TRABD2B: variants seen among roughly 807,000 people sequenced by gnomAD.
The protein encoded by TRABD2B is TraB domain containing 2B, also known as metalloprotease TIKI2.
Under a neutral mutation model 40.1 loss-of-function variants are expected in TRABD2B, and 14 were observed. The observed-to-expected ratio is 0.35, with a 90% CI of 0.23 to 0.55. The LOEUF is 0.55. TRABD2B is among the 20% of genes least tolerant of loss of function. TRABD2B has a pLI of 0.90. For synonymous variants in TRABD2B, 263 were observed against 277.0 expected (o/e 0.95, Z 0.50); for missense variants, 541 against 648.6 (o/e 0.83, Z 1.80).
intron 2 of TRABD2B, among the ~76,000 whole-genome samples, chr1:47,954,711 C>A (rs1319180693): frequency 6.6e-6 from 1 of 152,086 alleles, no homozygotes; most frequent in African/African-American, 2.4e-5. Context: ...GCAGAGGGGC[C>A]AGGCTGGACG....
At chr1:47,918,686 C>T (rs916748325) in intron 2 of TRABD2B, among the ~76,000 whole-genome samples, 6 of 115,846 alleles carry the variant, frequency 5.2e-5, no homozygotes, top group South Asian at 3.3e-4. Flanking sequence ...TAAGCCAAGA[C>T]GGGGACGGAA....
chr1:47,784,354 T>C (rs540180005), intron 4 of TRABD2B, among the ~76,000 whole-genome samples: 2 of 151,616 alleles, frequency 1.3e-5, no homozygotes, highest in African/African-American at 4.8e-5. Context: ...GAGAGGAGAG[T>C]GTGCAAGTGC....
chr1:47,987,219 T>A (rs530533033), intron 2 of TRABD2B, among the ~76,000 whole-genome samples: 1 of 152,200 alleles, frequency 6.6e-6, no homozygotes, highest in East Asian at 1.9e-4. Context: ...TCAGACAATA[T>A]GTTTGCGGAT....
At chr1:47,793,423 T>G (rs1049604478) in intron 4 of TRABD2B, among the ~76,000 whole-genome samples, 11 of 152,250 alleles carry the variant, frequency 7.2e-5, no homozygotes, top group African/African-American at 2.7e-4. Context: ...CAGATGTGCC[T>G]CTGGCTCTTG....
chr1:47,812,603 C>T (rs12070536), intron 2 of TRABD2B, among the ~76,000 whole-genome samples: 12,081 of 152,178 alleles, frequency 0.079, 540 homozygotes, highest in Admixed American at 0.11. Context: ...CCTGTAGTCC[C>T]AGCTACGCAG....
intron 2 of TRABD2B, among the ~76,000 whole-genome samples, chr1:47,992,628 C>A (rs534997989): frequency 2.3e-4 from 35 of 152,288 alleles, no homozygotes; most frequent in African/African-American, 8.4e-4. Context: ...CGGTGAGCGC[C>A]GGGGGTCCCG....
chr1:47,966,815 G>C (rs778434738), intron 2 of TRABD2B, among the ~76,000 whole-genome samples: 29 of 151,762 alleles, frequency 1.9e-4, no homozygotes, highest in Non-Finnish European at 3.4e-4. Context: ...TGATGCAGTA[G>C]GATCGCTTGA....
At chr1:47,821,199 GCCAGTCAGTGGCAC>G (rs1645103917) in intron 2 of TRABD2B, among the ~76,000 whole-genome samples, 1 of 152,346 alleles carries the variant, frequency 6.6e-6, no homozygotes, top group South Asian at 2.1e-4. Flanking sequence ...GAGGCAGCAA[GCCAGTCAGTGGCAC>G]CCACCAGTGG....
intron 2 of TRABD2B, among the ~76,000 whole-genome samples, chr1:47,949,405 T>C (rs1008401684): frequency 4.9e-4 from 67 of 135,756 alleles, no homozygotes; most frequent in African/African-American, 1.5e-3. Context: ...TTCTTTCTTT[T>C]TTTTTTTTTT....
intron 2 of TRABD2B, among the ~76,000 whole-genome samples, chr1:47,815,816 GATA>G (rs1645023387): frequency 2.2e-5 from 1 of 45,224 alleles, no homozygotes; most frequent in Admixed American, 1.9e-4. Context: ...TAGATAGATA[GATA>G]GATAGATAGA....
intron 2 of TRABD2B, among the ~76,000 whole-genome samples, chr1:47,898,848 G>A (rs990628378): frequency 6.6e-6 from 1 of 152,324 alleles, no homozygotes; most frequent in East Asian, 1.9e-4. Context: ...TGAAACAAAT[G>A]TGGCTTCAAG....
At chr1:47,971,672 G>A (rs1354678789) in intron 2 of TRABD2B, among the ~76,000 whole-genome samples, 1 of 152,080 alleles carries the variant, frequency 6.6e-6, no homozygotes, top group Non-Finnish European at 1.5e-5. Flanking sequence ...ATATGCTCCT[G>A]ACCAAGACTC....
At position 47,891,443 on chromosome 1, in the gene TRABD2B, T is replaced by C. The variant is rs186570718; in HGVS notation, c.667-89824A>G. 2.7e-3 allele frequency among the ~76,000 whole-genome samples: 413 copies of C among 152,198 alleles called. 1 individual carries two copies. The highest frequency in any genetic ancestry group is 4.7e-3 in the Non-Finnish European group (319 of 68,026). On this transcript the variant is annotated intron_variant, in intron 2 of 6. Transcript: ENST00000606738. ...AGGTTTGGATGAAATGAAGTATATA[T>C]GAGCCACGGGACTACCTTGGGTAAA... is the stretch of plus-strand genomic sequence containing the variant.
At chr1:47,962,740 A>T (rs1645539556) in intron 2 of TRABD2B, among the ~76,000 whole-genome samples, 1 of 152,154 alleles carries the variant, frequency 6.6e-6, no homozygotes, top group Non-Finnish European at 1.5e-5. Flanking sequence ...AAACCCAAGC[A>T]ATTCAGCTGC....
chr1:47,829,781 T>C (rs113545871), intron 2 of TRABD2B, among the ~76,000 whole-genome samples: 17 of 152,284 alleles, frequency 1.1e-4, no homozygotes, highest in Middle Eastern at 3.4e-3. Context: ...CTAAAAAATA[T>C]TACCAACCAC....
At chr1:47,902,098 T>C (rs1644608422) in intron 2 of TRABD2B, among the ~76,000 whole-genome samples, 1 of 152,184 alleles carries the variant, frequency 6.6e-6, no homozygotes, top group African/African-American at 2.4e-5. Context: ...CGGCCAAATA[T>C]TTTGACCAAG....
chr1:47,962,866 C>T (rs1383967827), intron 2 of TRABD2B, among the ~76,000 whole-genome samples: 2 of 152,162 alleles, frequency 1.3e-5, no homozygotes, highest in Non-Finnish European at 2.9e-5. Flanking sequence ...GAGGACAAGC[C>T]ATGTATTGAG....
Position 47,763,979 on chromosome 1 carries a change from C to T in TRABD2B, c.*1923G>A, listed in dbSNP as rs1157909017. 1 of 152,300 alleles carries T rather than the reference C, an allele frequency of 6.6e-6. No homozygotes were observed. Among genetic ancestry groups the T allele is most frequent in the Admixed American group, 6.5e-5 (1 of 15,286 alleles). The allele number at this position is 152,300 out of a possible 1,614,324, so 9.4% of individuals were successfully genotyped here. A position where few individuals can be genotyped will look rare whatever the true frequency, so the allele number is the denominator to read the frequency against. ...ACAGGGCTGGCTGGGCCCTCTAAGG[C>T]AGAGCTCCAGTCTCCTGCCAGGTCT... On this transcript the variant is annotated 3_prime_UTR_variant, in exon 7 of 7. Transcript: ENST00000606738.
At chr1:47,849,694 T>C (rs546259673) in intron 2 of TRABD2B, among the ~76,000 whole-genome samples, 81 of 152,286 alleles carry the variant, frequency 5.3e-4, no homozygotes, top group Middle Eastern at 3.4e-3. Context: ...TTGTTTGACC[T>C]GGTGTGAGCC....
Sources: gnomAD v4.1 joint callset for allele counts (sites outside exome capture counted in the v4.1 genomes callset) on GRCh38, gnomAD v4.1.1 for gene constraint, MANE v1.5 for transcripts, NCBI Gene and HGNC (gene_info 2026-07-23, HGNC 2026-07-21) for gene names.